FLI1: variants seen among roughly 807,000 people sequenced by gnomAD.
FLI1 encodes the protein Fli-1 proto-oncogene, ETS transcription factor.
Under a neutral mutation model 53.1 loss-of-function variants are expected in FLI1, and 13 were observed. The ratio of observed to expected loss-of-function variants is 0.24; its 90% CI spans 0.16 to 0.39. FLI1 has a LOEUF of 0.39. FLI1 is among the 10% of genes least tolerant of loss of function. The pLI, the probability that FLI1 is intolerant of heterozygous loss-of-function variation, is 1.00. For missense variants in FLI1, 424 were observed against 600.5 expected (o/e 0.71, Z 3.07); for synonymous variants, 244 against 236.7 (o/e 1.03, Z -0.28).
Position 128,758,138 on chromosome 11 carries a change from C to T in FLI1, c.42C>T (p.Asp14=), listed in dbSNP as rs370876689. 1.4e-5 allele frequency: 23 copies of T among 1,613,014 alleles called. No homozygotes were observed. Among genetic ancestry groups the T allele is most frequent in the Middle Eastern group, 1.7e-4 (1 of 6,010 alleles). ...AGGAGGCTCTGTCGGTGGTGAGCGA[C>T]GACCAGTCCCTCTTTGACTCAGCGT... ...TIKEALSVVS[D]DQSLFDSAYG... Residue 14 remains aspartate, a synonymous_variant, in exon 2 of 9, where the codon GAC becomes GAT. Coordinates refer to ENST00000527786, the MANE Select transcript of FLI1 (RefSeq NM_002017.5).
chr11:128,786,164 C>T (rs1439126653), intron 5 of FLI1, among the ~76,000 whole-genome samples: 1 of 152,132 alleles, frequency 6.6e-6, no homozygotes, highest in African/African-American at 2.4e-5. Context: ...CAAGCTGCAG[C>T]CAAGCTAGAG....
At chr11:128,757,046 T>TTC (rs1268679379) in intron 1 of FLI1, among the ~76,000 whole-genome samples, 1 of 47,552 alleles carries the variant, frequency 2.1e-5, no homozygotes, top group African/African-American at 1.0e-4. Context: ...AGCTAATTTT[T>TTC]TCTTTCTTTC....
intron 2 of FLI1, chr11:128,764,519 A>G (rs1941253958): frequency 1.2e-6 from 1 of 803,480 alleles, no homozygotes; most frequent in Admixed American, 2.1e-5. Flanking sequence ...ATCAGCTGCC[A>G]GTGGGCCCCA....
intron 1 of FLI1, among the ~76,000 whole-genome samples, chr11:128,687,817 G>A (rs1302148821): frequency 6.6e-6 from 1 of 152,188 alleles, no homozygotes; most frequent in South Asian, 2.1e-4. Flanking sequence ...GGAAGGGAAG[G>A]CCTAATCCTA....
rs756528214 is a variant in FLI1, at chr11:128,758,126, G to A, written c.30G>A (p.Ser10=). 5.3e-5 allele frequency: 85 copies of A among 1,612,098 alleles called. No homozygotes were observed. Among genetic ancestry groups the A allele is most frequent in the African/African-American group, 9.4e-5 (7 of 74,858 alleles). MDGTIKEAL[S]VVSDDQSLFD... Reference sequence around the variant, plus strand: ...CTCTGGCCCTGCAGGAGGCTCTGTCGGTGGTGAGCGACGACCAGTCCCTCT... The same window carrying A: ...CTCTGGCCCTGCAGGAGGCTCTGTCAGTGGTGAGCGACGACCAGTCCCTCT... Residue 10 remains serine (S), a synonymous_variant, in exon 2 of 9, where the codon TCG becomes TCA. Coordinates refer to ENST00000527786, the MANE Select transcript of FLI1 (RefSeq NM_002017.5).
Position 128,811,150 on chromosome 11 carries a change from A to T in FLI1, c.*162A>T. Reference sequence around the variant, plus strand: ...TTTGTTCTTTAAAAACATTTTTTTTAATGTTGGTAACTTTTGCTTCCTCTA... The same window carrying T: ...TTTGTTCTTTAAAAACATTTTTTTTTATGTTGGTAACTTTTGCTTCCTCTA... On this transcript the variant is annotated 3_prime_UTR_variant, in exon 9 of 9. Transcript: ENST00000527786. 1 of 682,840 alleles carries T rather than the reference A, an allele frequency of 1.5e-6. No homozygotes were observed. 42.3% of individuals were successfully genotyped at this position (682,840 alleles called of 1,614,324 possible).
At chr11:128,709,526 C>T (rs180754650) in intron 1 of FLI1, among the ~76,000 whole-genome samples, 8 of 152,298 alleles carry the variant, frequency 5.3e-5, no homozygotes, top group South Asian at 2.1e-4. Flanking sequence ...TTCCCTCCCA[C>T]GTATCCGGCC....
At chr11:128,775,361 A>T (rs986425341) in intron 4 of FLI1, among the ~76,000 whole-genome samples, 1 of 141,248 alleles carries the variant, frequency 7.1e-6, no homozygotes, top group African/African-American at 2.9e-5. Flanking sequence ...GTGTTAAATT[A>T]AAAAAAAAAA....
intron 1 of FLI1, among the ~76,000 whole-genome samples, chr11:128,718,659 GT>G (rs1195607588): frequency 1.3e-5 from 2 of 152,132 alleles, no homozygotes; most frequent in South Asian, 2.1e-4. Flanking sequence ...TTTGGTTTGG[GT>G]TTTTTTAGCT....
Position 128,800,016 on chromosome 11 carries a change from G to A in FLI1, c.656-5350G>A, listed in dbSNP as rs183547647. On this transcript the variant is annotated intron_variant, in intron 5 of 8. Transcript: ENST00000527786. Reference sequence around the variant, plus strand: ...GCTCACCTGCAGTTTCTTCCCTGTCGGAGTCTGGGAGTGAATCTTCCTCCT... The same window carrying A: ...GCTCACCTGCAGTTTCTTCCCTGTCAGAGTCTGGGAGTGAATCTTCCTCCT... Among the ~76,000 whole-genome samples, 269 of 152,256 alleles carry A rather than the reference G, an allele frequency of 1.8e-3. 1 individual carries two copies. Among genetic ancestry groups the A allele is most frequent in the African/African-American group, 6.0e-3 (249 of 41,548 alleles).
intron 1 of FLI1, among the ~76,000 whole-genome samples, chr11:128,723,746 G>A (rs569527405): frequency 2.0e-5 from 3 of 152,190 alleles, no homozygotes; most frequent in South Asian, 2.1e-4. Flanking sequence ...CATGGTCCCT[G>A]TCTTTGATGA....
At chr11:128,735,764 C>A (rs191178675) in intron 1 of FLI1, among the ~76,000 whole-genome samples, 4 of 152,338 alleles carry the variant, frequency 2.6e-5, no homozygotes, top group East Asian at 1.9e-4. Flanking sequence ...AGCCTCCCCC[C>A]ACCTTTAGAT....
At chr11:128,695,888 C>T (rs1413420831) in intron 1 of FLI1, 1 of 152,202 alleles carries the variant, frequency 6.6e-6, no homozygotes, top group South Asian at 2.1e-4. Context: ...ACTCCCTCGC[C>T]CCAATCAGGA....
At chr11:128,686,396 G>A (rs1340006118), upstream of FLI1, 5 of 456,172 alleles carry the variant, frequency 1.1e-5, no homozygotes, top group Admixed American at 1.2e-4. Context: ...AGACCCAATG[G>A]TGTGAGGTGG....
At chr11:128,794,791 A>C (rs139006747) in intron 5 of FLI1, among the ~76,000 whole-genome samples, 17 of 152,276 alleles carry the variant, frequency 1.1e-4, no homozygotes, top group East Asian at 5.8e-4. Flanking sequence ...GAAGTTTAAC[A>C]TGGGTCAGGT....
At chr11:128,753,830 A>T (rs905687145) in intron 1 of FLI1, among the ~76,000 whole-genome samples, 6 of 152,134 alleles carry the variant, frequency 3.9e-5, no homozygotes, top group Non-Finnish European at 7.4e-5. Context: ...TTCCCAGAGC[A>T]ATTTGGAGAG....
At chr11:128,733,315 G>A (rs1939776143) in intron 1 of FLI1, among the ~76,000 whole-genome samples, 2 of 152,022 alleles carry the variant, frequency 1.3e-5, no homozygotes, top group Admixed American at 1.3e-4. Flanking sequence ...GAATGGTCCC[G>A]GGAATCTTCA....
upstream of FLI1, chr11:128,692,831 A>G (rs571962024): frequency 1.3e-5 from 2 of 152,250 alleles, no homozygotes; most frequent in East Asian, 3.9e-4. Flanking sequence ...GGGAGAAGGG[A>G]GTCCGGCCGA....
intron 1 of FLI1, among the ~76,000 whole-genome samples, chr11:128,688,328 G>A (rs1937617948): frequency 6.6e-6 from 1 of 152,242 alleles, no homozygotes; most frequent in Admixed American, 6.5e-5. Flanking sequence ...GCTCGCTGCA[G>A]GAGCTCTTTT....
Sources: allele counts gnomAD v4.1 joint callset (sites outside exome capture counted in the v4.1 genomes callset), GRCh38; gene constraint gnomAD v4.1.1; transcripts MANE v1.5; gene names NCBI Gene and HGNC (gene_info 2026-07-23, HGNC 2026-07-21).